The following ZNF292 variants were observed in gnomAD, a reference collection of about 807,000 sequenced individuals.
ZNF292 encodes 16 zinc-finger domain protein.
Under a neutral mutation model 217.9 loss-of-function variants are expected in ZNF292, and 26 were observed. The ratio of observed to expected loss-of-function variants is 0.12; its 90% confidence interval spans 0.09 to 0.17. ZNF292 has a LOEUF of 0.17. ZNF292 is among the 10% of genes least tolerant of loss of function. The probability of loss-of-function intolerance (pLI) is 1.00; values close to 1 mark genes in which losing one functional copy is unlikely to be tolerated. For synonymous variants in ZNF292, 1,257 were observed against 1,124.1 expected, an observed-to-expected ratio of 1.12 and a Z score of -2.37; for missense variants, 2,904 against 3,175.2, an observed-to-expected ratio of 0.91 and a Z score of 2.05.
intron 1 of ZNF292, among the ~76,000 whole-genome samples, chr6:87,189,250 T>C (rs1309415959): frequency 2.6e-5 from 4 of 152,014 alleles, no homozygotes; most frequent in Non-Finnish European, 4.4e-5. Flanking sequence ...AAAATGTCTT[T>C]TTCAAAATAA....
intron 1 of ZNF292, among the ~76,000 whole-genome samples, chr6:87,156,687 C>T (rs769127878): frequency 1.5e-4 from 23 of 152,196 alleles, no homozygotes; most frequent in Non-Finnish European, 2.6e-4. Flanking sequence ...CAAATCTTTT[C>T]TTTGCTTGCC....
chr6:87,246,067 C>G (rs1257519985), intron 7 of ZNF292, among the ~76,000 whole-genome samples: 2 of 152,096 alleles, frequency 1.3e-5, no homozygotes, highest in South Asian at 4.1e-4. Flanking sequence ...CCTGTCTCTA[C>G]TAAAAATACA....
At chr6:87,163,413 T>C (rs548246917) in intron 1 of ZNF292, among the ~76,000 whole-genome samples, 1 of 151,892 alleles carries the variant, frequency 6.6e-6, no homozygotes, top group South Asian at 2.1e-4. Flanking sequence ...ATGGCGCCAC[T>C]GCACTCCAGC....
intron 4 of ZNF292, among the ~76,000 whole-genome samples, chr6:87,220,303 A>G (rs1773021127): frequency 6.6e-6 from 1 of 152,224 alleles, no homozygotes; most frequent in Admixed American, 6.5e-5. Flanking sequence ...ATCAAATTAC[A>G]AGTTCCTCAC....
At chr6:87,156,166 C>G (rs1770530202) in intron 1 of ZNF292, among the ~76,000 whole-genome samples, 1 of 152,256 alleles carries the variant, frequency 6.6e-6, no homozygotes, top group Non-Finnish European at 1.5e-5. Flanking sequence ...GCTTCCCACT[C>G]CGACGGGCCT....
intron 1 of ZNF292, among the ~76,000 whole-genome samples, chr6:87,205,556 CAGATA>C (rs763307468): frequency 8.6e-5 from 13 of 151,796 alleles, no homozygotes; most frequent in African/African-American, 1.7e-4. Flanking sequence ...AAGTTATTTT[CAGATA>C]AGATGATTCT....
chr6:87,172,014 C>G (rs949930287), intron 1 of ZNF292, among the ~76,000 whole-genome samples: 1 of 152,200 alleles, frequency 6.6e-6, no homozygotes, highest in Admixed American at 6.5e-5. Context: ...AACCATTTAT[C>G]TGTTTGCAAA....
chr6:87,181,782 A>G (rs1056759399), intron 1 of ZNF292, among the ~76,000 whole-genome samples: 5 of 152,052 alleles, frequency 3.3e-5, no homozygotes, highest in African/African-American at 1.2e-4. Flanking sequence ...CCTGGGTTCA[A>G]GCAATTCTCC....
chr6:87,214,998 GA>G (rs1278697314), intron 1 of ZNF292: 8 of 151,348 alleles, frequency 5.3e-5, no homozygotes, highest in Admixed American at 5.3e-4. Flanking sequence ...TATTTTCTAG[GA>G]AAAGAAACCT....
chr6:87,244,711 T>G (rs1210592137), intron 6 of ZNF292, among the ~76,000 whole-genome samples: 1 of 152,170 alleles, frequency 6.6e-6, no homozygotes, highest in African/African-American at 2.4e-5. Flanking sequence ...TCTTCTGGGT[T>G]TTTTGTCATC....
intron 1 of ZNF292, among the ~76,000 whole-genome samples, chr6:87,190,440 A>T (rs1347520694): frequency 6.6e-6 from 1 of 151,950 alleles, no homozygotes; most frequent in Non-Finnish European, 1.5e-5. Flanking sequence ...GCCAGTGAAT[A>T]TGTATTTTCA....
chr6:87,212,312 A>G (rs758615479), intron 1 of ZNF292, among the ~76,000 whole-genome samples: 11 of 152,122 alleles, frequency 7.2e-5, no homozygotes, highest in Non-Finnish European at 1.6e-4. Context: ...GTTGTTTAGG[A>G]GGTCTTGTGG....
intron 1 of ZNF292, among the ~76,000 whole-genome samples, chr6:87,198,170 T>C (rs1030483354): frequency 3.4e-5 from 5 of 147,122 alleles, no homozygotes; most frequent in Non-Finnish European, 5.9e-5. Flanking sequence ...AAGTCACCAT[T>C]GCATGTTTAT....
intron 5 of ZNF292, among the ~76,000 whole-genome samples, chr6:87,238,252 C>A (rs1773996342): frequency 6.6e-6 from 1 of 151,866 alleles, no homozygotes; most frequent in African/African-American, 2.4e-5. Context: ...TTTGGGACAC[C>A]AAAGTGGGTG....
chr6:87,156,032 C>G (rs1469283247), intron 1 of ZNF292, among the ~76,000 whole-genome samples: 1 of 152,264 alleles, frequency 6.6e-6, no homozygotes, highest in Non-Finnish European at 1.5e-5. Flanking sequence ...TGCGCGGTCC[C>G]CGCGGCTGAG....
At chr6:87,218,472 G>A in intron 3 of ZNF292, 124 bp from the exon 4 acceptor site, 1 of 647,038 alleles carries the variant, frequency 1.5e-6, no homozygotes. Flanking sequence ...TGAGTACTTT[G>A]TAATGTGATG....
At chr6:87,213,159 C>G (rs943676805) in intron 1 of ZNF292, among the ~76,000 whole-genome samples, 1 of 152,104 alleles carries the variant, frequency 6.6e-6, no homozygotes, top group African/African-American at 2.4e-5. Flanking sequence ...GTCTATTGAG[C>G]CTGCTAAGCA....
At chr6:87,237,243 T>C (rs1457577686) in intron 5 of ZNF292, among the ~76,000 whole-genome samples, 3 of 150,646 alleles carry the variant, frequency 2.0e-5, no homozygotes, top group African/African-American at 7.5e-5. Context: ...TTAAACTGTT[T>C]GTTTGTTTGT....
chr6:87,246,049 A>G (rs927427749), intron 7 of ZNF292, among the ~76,000 whole-genome samples: 5 of 152,140 alleles, frequency 3.3e-5, no homozygotes, highest in Admixed American at 1.3e-4. Context: ...TGGCCAATAT[A>G]GTGAAACCCT....
Sources: gnomAD v4.1 joint callset for allele counts (sites outside exome capture counted in the v4.1 genomes callset) on GRCh38, gnomAD v4.1.1 for gene constraint, MANE v1.5 for transcripts, NCBI Gene and HGNC (gene_info 2026-07-23, HGNC 2026-07-21) for gene names.